Variants in CPED1 observed in about 807,000 individuals in gnomAD.
CPED1 encodes cadherin like and PC-esterase domain containing 1, also known as cadherin-like and PC-esterase domain-containing protein 1.
Under a neutral mutation model 128.2 loss-of-function variants are expected in CPED1, and 114 were observed. That is an observed-to-expected ratio of 0.89 (90% confidence interval 0.76 to 1.04). CPED1 has a LOEUF of 1.04. CPED1 is among the 50% of genes least tolerant of loss of function. The pLI, the probability that CPED1 is intolerant of heterozygous loss-of-function variation, is 0.00. For synonymous variants in CPED1, 462 were observed against 426.7 expected (o/e 1.08, Z -1.02); for missense variants, 1,211 against 1,207.1 (o/e 1.00, Z -0.05).
In CPED1 at chr7:121,065,396, G is replaced by A. The variant is rs1793805781; in HGVS notation, c.616+1083G>A. On this transcript the variant is annotated intron_variant, in intron 5 of 22. Transcript: ENST00000310396. ...GAGAGTTTTTCATCATATGAAAAAA[G>A]TAATGTTTTGGGGAGAAGCAAATAA... Among the ~76,000 whole-genome samples the A allele has an allele frequency of 2.0e-5, 3 of 151,958 alleles. No individual in the cohort carries two copies. In the South Asian group the frequency reaches 6.2e-4, roughly 32 times the overall value.
At chr7:121,085,942 C>T (rs2160013) in intron 5 of CPED1, among the ~76,000 whole-genome samples, 135,230 of 152,218 alleles carry the variant, frequency 0.89, 60,143 homozygotes, top group Middle Eastern at 0.99. Context: ...GAGCTGAATT[C>T]AACCTTCACA....
In CPED1 at chr7:121,182,002, A is replaced by G. The variant is rs561488010; in HGVS notation, c.2055+39861A>G. Among the ~76,000 whole-genome samples, 239 of 152,196 alleles carry G rather than the reference A, an allele frequency of 1.6e-3. 1 individual carries two copies. Among genetic ancestry groups the G allele is most frequent in the African/African-American group, 5.7e-3 (236 of 41,548 alleles). ...ACGTTTATTCCAAAATGAACCTGGG[A>G]AACTAGGGGGACATTTGTGTCTATA... On this transcript the variant is annotated intron_variant, in intron 16 of 22. Coordinates refer to ENST00000310396, the MANE Select transcript of CPED1 (RefSeq NM_024913.5).
chr7:121,086,043 A>G (rs1794419291), intron 5 of CPED1, among the ~76,000 whole-genome samples: 1 of 152,214 alleles, frequency 6.6e-6, no homozygotes, highest in African/African-American at 2.4e-5. Flanking sequence ...TTGAGAAGAA[A>G]GGGAGGAAGA....
At chr7:121,121,713 G>T (rs1342731603) in intron 7 of CPED1, among the ~76,000 whole-genome samples, 1 of 152,180 alleles carries the variant, frequency 6.6e-6, no homozygotes, top group Non-Finnish European at 1.5e-5. Flanking sequence ...AAAGGTGAAA[G>T]TGCTCCTTCA....
chr7:121,002,513 C>G (rs1741962606), intron 2 of CPED1, among the ~76,000 whole-genome samples: 1 of 152,142 alleles, frequency 6.6e-6, no homozygotes, highest in African/African-American at 2.4e-5. Flanking sequence ...AATAACACAT[C>G]TGAAACTCCC....
chr7:121,237,485 G>T (rs576925127), intron 17 of CPED1, among the ~76,000 whole-genome samples: 8 of 152,070 alleles, frequency 5.3e-5, no homozygotes, highest in African/African-American at 1.7e-4. Flanking sequence ...GTTAAATCCT[G>T]CCTAAGCACT....
intron 4 of CPED1, among the ~76,000 whole-genome samples, chr7:121,054,830 C>T (rs564589916): frequency 2.4e-4 from 37 of 152,214 alleles, no homozygotes; most frequent in African/African-American, 3.9e-4. Context: ...TGAAGTCATC[C>T]CCTCCTGTGA....
intron 22 of CPED1, among the ~76,000 whole-genome samples, chr7:121,283,992 T>C (rs1425656961): frequency 6.6e-6 from 1 of 152,230 alleles, no homozygotes; most frequent in Admixed American, 6.5e-5. Flanking sequence ...ACTCTCACTG[T>C]ATTAGTCCGT....
At chr7:121,080,237 G>T (rs1794249670) in intron 5 of CPED1, among the ~76,000 whole-genome samples, 1 of 151,740 alleles carries the variant, frequency 6.6e-6, no homozygotes, top group Non-Finnish European at 1.5e-5. Flanking sequence ...GTTGTGTGTA[G>T]ACATATTCCA....
chr7:121,090,591 C>G (rs898656049), intron 5 of CPED1, among the ~76,000 whole-genome samples: 1 of 152,108 alleles, frequency 6.6e-6, no homozygotes, highest in African/African-American at 2.4e-5. Flanking sequence ...TTTGGCGTAT[C>G]CATTCTCTCA....
chr7:121,245,312 G>A (rs1260062206), intron 18 of CPED1, among the ~76,000 whole-genome samples: 1 of 152,020 alleles, frequency 6.6e-6, no homozygotes, highest in Non-Finnish European at 1.5e-5. Context: ...AATCAGTAGT[G>A]TTAGTTCCTT....
At position 121,142,002 on chromosome 7, in the gene CPED1, T is replaced by G; in HGVS notation, c.1916T>G (p.Met639Arg). 6.2e-7 allele frequency: 1 copy of G among 1,612,612 alleles called. No homozygotes were observed. The highest frequency in any genetic ancestry group is 8.5e-7 in the Non-Finnish European group (1 of 1,178,984). Residue 639 changes from methionine to arginine, a missense_variant, in exon 16 of 23, where the codon ATG (methionine) becomes AGG (arginine). Transcript: ENST00000310396. ...GCCAGCTACCCTCTGGGCTTAGGAA[T>G]GAACAAAATCTCAATATTTGTTGTG... is the stretch of plus-strand genomic sequence containing the variant. ...SFASYPLGLG[M>R]NKISIFVVDE...
intron 16 of CPED1, among the ~76,000 whole-genome samples, chr7:121,229,590 T>C (rs1798092306): frequency 6.6e-6 from 1 of 152,034 alleles, no homozygotes; most frequent in Admixed American, 6.6e-5. Flanking sequence ...TTTACAGTAC[T>C]TATATATGGC....
chr7:121,044,644 T>C (rs1793140735), intron 3 of CPED1, among the ~76,000 whole-genome samples: 1 of 136,040 alleles, frequency 7.4e-6, no homozygotes, highest in Non-Finnish European at 1.6e-5. Flanking sequence ...GCAGTGACTT[T>C]CTGCTCTTTT....
intron 7 of CPED1, among the ~76,000 whole-genome samples, chr7:121,111,971 C>T (rs1220159553): frequency 2.6e-5 from 4 of 152,150 alleles, no homozygotes; most frequent in Admixed American, 6.5e-5. Context: ...GGTGGCTAAG[C>T]GAGGCTGGGT....
chr7:121,003,299 T>C (rs1053137414), intron 2 of CPED1, among the ~76,000 whole-genome samples: 5 of 152,204 alleles, frequency 3.3e-5, no homozygotes, highest in African/African-American at 9.6e-5. Flanking sequence ...GACTGAGACC[T>C]ACTGCTAGAC....
intron 5 of CPED1, among the ~76,000 whole-genome samples, chr7:121,081,469 ATCAATAACTTTTAAGACCATT>A (rs893578010): frequency 2.7e-4 from 41 of 152,298 alleles, no homozygotes; most frequent in Admixed American, 2.6e-3. Flanking sequence ...GATTCATTGC[ATCAATAACTTTTAAGACCATT>A]TTCTTTCCAC....
intron 8 of CPED1, among the ~76,000 whole-genome samples, chr7:121,125,067 G>A (rs1795473255): frequency 6.6e-6 from 1 of 151,976 alleles, no homozygotes; most frequent in East Asian, 1.9e-4. Flanking sequence ...TCGTATTTAG[G>A]TTTCCATGGA....
Position 121,128,385 on chromosome 7 carries a change from G to T in CPED1, c.1306G>T (p.Glu436Ter). 1 of 1,562,564 alleles carries T rather than the reference G, an allele frequency of 6.4e-7. No homozygotes were observed. Among genetic ancestry groups the T allele is most frequent in the East Asian group, 2.2e-5 (1 of 44,532 alleles). The change falls in exon 11 of 23, where the codon GAA becomes TAA. Residue 436 changes from glutamate to a stop codon, truncating the protein, a stop_gained. Coordinates refer to ENST00000310396, the MANE Select transcript of CPED1 (RefSeq NM_024913.5). LOFTEE classifies it high-confidence loss of function. ...TTCTTTCCCCCTACCAATACAGGGT[G>T]AAAACTATCAAAAGGAACTAAATCA... is the stretch of plus-strand genomic sequence containing the variant. ...RLYRSDVFKG[E>*]NYQKELNQCL... is the part of the protein sequence containing the mutation.
Sources: gnomAD v4.1 joint callset for allele counts (sites outside exome capture counted in the v4.1 genomes callset) on GRCh38, gnomAD v4.1.1 for gene constraint, MANE v1.5 for transcripts, NCBI Gene and HGNC (gene_info 2026-07-23, HGNC 2026-07-21) for gene names.